CMIP: variants seen among roughly 807,000 people sequenced by gnomAD.
CMIP encodes c-Maf inducing protein, also known as C-Maf-inducing protein.
A neutral mutation model predicts 97.3 loss-of-function variants in CMIP; 13 were observed. That is an observed-to-expected ratio of 0.13 (90% confidence interval 0.09 to 0.21). The LOEUF (loss-of-function observed/expected upper bound fraction) is 0.21, where lower values mean the gene tolerates loss of function less well. CMIP is among the 10% of genes least tolerant of loss of function. The probability of loss-of-function intolerance (pLI) is 1.00; values close to 1 mark genes in which losing one functional copy is unlikely to be tolerated. For synonymous variants in CMIP, 538 were observed against 436.3 expected, an observed-to-expected ratio of 1.23 and a Z score of -2.91; for missense variants, 847 against 1,024.9, an observed-to-expected ratio of 0.83 and a Z score of 2.37.
intron 3 of CMIP, among the ~76,000 whole-genome samples, chr16:81,628,750 G>A (rs1199640439): frequency 1.3e-5 from 2 of 152,150 alleles, no homozygotes; most frequent in South Asian, 2.1e-4. Context: ...ACCTGTTCTC[G>A]TGGCACATCT....
chr16:81,472,434 G>T (rs150496639), intron 1 of CMIP, among the ~76,000 whole-genome samples: 1 of 152,150 alleles, frequency 6.6e-6, no homozygotes, highest in Non-Finnish European at 1.5e-5. Flanking sequence ...TGTGTGTGGC[G>T]TGCCCCATGC....
intron 9 of CMIP, among the ~76,000 whole-genome samples, chr16:81,677,515 T>C (rs1400609124): frequency 6.6e-6 from 1 of 152,118 alleles, no homozygotes; most frequent in Non-Finnish European, 1.5e-5. Flanking sequence ...ACTGGGCACG[T>C]TGGGAAGCAG....
At chr16:81,534,034 G>A (rs999048078) in intron 1 of CMIP, 2 of 152,214 alleles carry the variant, frequency 1.3e-5, no homozygotes, top group Non-Finnish European at 2.9e-5. Flanking sequence ...AGGGCCCCGT[G>A]AGAGCTACTG....
At chr16:81,702,703 G>T (rs760353030) in intron 17 of CMIP, 34 bp downstream of exon 17, 23 of 1,601,082 alleles carry the variant, frequency 1.4e-5, no homozygotes, top group Non-Finnish European at 1.9e-5. Context: ...GGGCTGGATG[G>T]AGAAGGTGGG....
chr16:81,696,779 C>G, intron 14 of CMIP, 112 bp downstream of exon 14: 2 of 888,378 alleles, frequency 2.3e-6, no homozygotes, highest in East Asian at 2.6e-5. Context: ...AGTTTCCCGG[C>G]TAACACAGTG....
At chr16:81,600,291 A>AAT (rs1399560664) in intron 1 of CMIP, among the ~76,000 whole-genome samples, 1 of 151,780 alleles carries the variant, frequency 6.6e-6, no homozygotes, top group East Asian at 1.9e-4. Context: ...AAAAAAAAAA[A>AAT]AAAAAGATAT....
intron 3 of CMIP, among the ~76,000 whole-genome samples, chr16:81,635,523 A>C (rs192306497): frequency 6.6e-6 from 1 of 152,222 alleles, no homozygotes; most frequent in East Asian, 1.9e-4. Context: ...AGATGCAGAC[A>C]TAAGTATTAT....
chr16:81,709,789 A>C lies in CMIP; in HGVS notation c.2312A>C (p.Glu771Ala). 1 of 1,613,936 alleles carries C rather than the reference A, an allele frequency of 6.2e-7. No individual in the cohort carries two copies. Among genetic ancestry groups the C allele is most frequent in the Non-Finnish European group, 8.5e-7 (1 of 1,179,850 alleles). ...AAGGAAGTGGACGTCCGCTACACCG[A>C]AGCCTGGTGAAGCTCCCAGCTCAAG... is the stretch of plus-strand genomic sequence containing the variant. Reference protein sequence around the residue: ...NLKEVDVRYTEAW With the variant: ...NLKEVDVRYTAAW Residue 771 changes from glutamate to alanine, a missense_variant, in exon 21 of 21, where the codon GAA becomes GCA. Transcript: ENST00000537098.
chr16:81,567,102 C>G (rs2090996243), intron 1 of CMIP, among the ~76,000 whole-genome samples: 2 of 152,222 alleles, frequency 1.3e-5, no homozygotes, highest in East Asian at 3.8e-4. Context: ...ACCTCCTGCA[C>G]CCAGAGACAA....
chr16:81,556,170 T>A (rs1039152602), intron 1 of CMIP, among the ~76,000 whole-genome samples: 5 of 152,158 alleles, frequency 3.3e-5, no homozygotes, highest in Non-Finnish European at 1.5e-5. Flanking sequence ...CTTACCTGGC[T>A]GCACGTCATC....
chr16:81,522,989 T>G (rs1335982097), intron 1 of CMIP, among the ~76,000 whole-genome samples: 1 of 152,186 alleles, frequency 6.6e-6, no homozygotes, highest in Non-Finnish European at 1.5e-5. Context: ...TGCAGTGGTT[T>G]GATCACAGCT....
chr16:81,662,578 C>G (rs550832171), intron 6 of CMIP, among the ~76,000 whole-genome samples: 2 of 152,180 alleles, frequency 1.3e-5, no homozygotes, highest in African/African-American at 4.8e-5. Context: ...GCCTCCCGCG[C>G]TGCGTCCGCT....
chr16:81,637,726 G>A (rs540777297), intron 3 of CMIP, among the ~76,000 whole-genome samples: 8 of 152,308 alleles, frequency 5.3e-5, no homozygotes, highest in South Asian at 4.1e-4. Context: ...CCCATAGGTC[G>A]TAGAGTGAGC....
intron 1 of CMIP, among the ~76,000 whole-genome samples, chr16:81,509,066 A>AT (rs1189201041): frequency 6.6e-6 from 1 of 152,076 alleles, no homozygotes; most frequent in Admixed American, 6.5e-5. Flanking sequence ...CATTCATTTT[A>AT]TTTTTTTCAA....
intron 1 of CMIP, among the ~76,000 whole-genome samples, chr16:81,603,592 C>T (rs757315362): frequency 2.0e-5 from 3 of 152,120 alleles, no homozygotes; most frequent in African/African-American, 4.8e-5. Flanking sequence ...TTAGGTTTTC[C>T]GTGATGTCCT....
At chr16:81,550,275 C>G (rs143922031) in intron 1 of CMIP, among the ~76,000 whole-genome samples, 3 of 152,184 alleles carry the variant, frequency 2.0e-5, no homozygotes, top group African/African-American at 7.2e-5. Flanking sequence ...TCTTCTCATC[C>G]GTGAAATGGG....
chr16:81,498,443 T>C (rs993461173), intron 1 of CMIP, among the ~76,000 whole-genome samples: 3 of 152,172 alleles, frequency 2.0e-5, no homozygotes, highest in Admixed American at 6.5e-5. Context: ...CGAGTCCCCC[T>C]GGGGCTGCTC....
At chr16:81,488,076 C>T (rs188411261) in intron 1 of CMIP, among the ~76,000 whole-genome samples, 8 of 144,936 alleles carry the variant, frequency 5.5e-5, no homozygotes, top group African/African-American at 1.0e-4. Context: ...GTTGGCAAGA[C>T]GCCGTTTGCA....
chr16:81,609,772 A>T (rs1251454757), intron 2 of CMIP, among the ~76,000 whole-genome samples: 2 of 152,124 alleles, frequency 1.3e-5, no homozygotes, highest in African/African-American at 2.4e-5. Context: ...CAAAGCCTGA[A>T]TATGGGGGAC....
Sources: gnomAD v4.1 joint callset for allele counts (sites outside exome capture counted in the v4.1 genomes callset) on GRCh38, gnomAD v4.1.1 for gene constraint, MANE v1.5 for transcripts, NCBI Gene and HGNC (gene_info 2026-07-23, HGNC 2026-07-21) for gene names.